LEO1: variants seen among roughly 807,000 people sequenced by gnomAD.
The protein encoded by LEO1 is LEO1 component of Paf1/RNA polymerase II complex, also known as RNA polymerase-associated protein LEO1.
A neutral mutation model predicts 80.4 loss-of-function variants in LEO1; 34 were observed. The observed-to-expected ratio is 0.42, with a 90% CI of 0.32 to 0.56. The LOEUF is 0.56. Among genes scored for constraint, LEO1 ranks in the 20% least tolerant of loss-of-function variants. The probability of loss-of-function intolerance (pLI) is 0.10; values close to 1 mark genes in which losing one functional copy is unlikely to be tolerated. For synonymous variants in LEO1, 262 were observed against 274.9 expected, an observed-to-expected ratio of 0.95 and a Z score of 0.46; for missense variants, 631 against 814.2, an observed-to-expected ratio of 0.77 and a Z score of 2.74.
chr15:51,962,129 C>G (rs2057035784), intron 3 of LEO1, among the ~76,000 whole-genome samples: 1 of 150,826 alleles, frequency 6.6e-6, no homozygotes, highest in Non-Finnish European at 1.5e-5. Context: ...CACCACTGCA[C>G]TCCAGCGTGG....
At position 51,962,599 on chromosome 15, in the gene LEO1, A is replaced by C. The variant is rs189422368; in HGVS notation, c.815-106T>G. ...ACAAATTGTGATACAATGGACTACT[A>C]CTCAGCAATAAAGAGGAATGAACTG... On this transcript the variant is annotated intron_variant, in intron 2 of 11. Transcript: ENST00000299601. The C allele has an allele frequency of 1.1e-4, 75 of 690,300 alleles. 1 individual carries two copies. The East Asian group carries it at 2.0e-3, about 18-fold the overall frequency. The allele number at this position is 690,300 out of a possible 1,614,324, so 42.8% of individuals were successfully genotyped here.
At chr15:51,948,314 CT>C (rs1566881372) in intron 10 of LEO1, among the ~76,000 whole-genome samples, 1 of 152,144 alleles carries the variant, frequency 6.6e-6, no homozygotes, top group Non-Finnish European at 1.5e-5. Context: ...CTCTGGTGAC[CT>C]GAATGTTACA....
In LEO1 at chr15:51,951,853, T is replaced by A; in HGVS notation, c.1602A>T (p.Glu534Asp). 1 of 1,614,000 alleles carries A rather than the reference T, an allele frequency of 6.2e-7. No individual in the cohort carries two copies. The highest frequency in any genetic ancestry group is 8.5e-7 in the Non-Finnish European group (1 of 1,179,906). Residue 534 changes from glutamate to aspartate, a missense_variant, in exon 9 of 12, where the codon GAA becomes GAT. Transcript: ENST00000299601. ...AGRDPECQRT[E>D]MIKKEEERLR... ...GGCTTAGCAAACATACCTTAATCAT[T>A]TCTGTGCGTTGGCATTCAGGATCAC...
chr15:51,955,337 A>G (rs1048890830), intron 6 of LEO1, among the ~76,000 whole-genome samples: 7 of 152,236 alleles, frequency 4.6e-5, no homozygotes, highest in Non-Finnish European at 8.8e-5. Flanking sequence ...CTATTGGCAC[A>G]GAGAGATAAA....
At chr15:51,946,939 T>C in intron 11 of LEO1, 1 of 220,728 alleles carries the variant, frequency 4.5e-6, no homozygotes, top group South Asian at 7.5e-5. Flanking sequence ...GATCTGTCAT[T>C]CTCTCTTGGA....
intron 11 of LEO1, among the ~76,000 whole-genome samples, chr15:51,938,987 C>T (rs959669647): frequency 6.6e-6 from 1 of 152,118 alleles, no homozygotes; most frequent in South Asian, 2.1e-4. Flanking sequence ...GAGTTTGAGA[C>T]CAGACTGGCC....
intron 9 of LEO1, among the ~76,000 whole-genome samples, chr15:51,950,615 G>A (rs1188945260): frequency 1.3e-5 from 2 of 152,188 alleles, no homozygotes; most frequent in African/African-American, 4.8e-5. Flanking sequence ...GTAGGTTTCA[G>A]GGATATTCTG....
intron 6 of LEO1, among the ~76,000 whole-genome samples, chr15:51,957,821 G>A (rs572446207): frequency 6.6e-6 from 1 of 152,220 alleles, no homozygotes; most frequent in East Asian, 1.9e-4. Context: ...AGGAGTTCGA[G>A]ACCAACCTGG....
chr15:51,942,398 A>C (rs562727376), intron 11 of LEO1, among the ~76,000 whole-genome samples: 5 of 151,782 alleles, frequency 3.3e-5, no homozygotes, highest in East Asian at 2.0e-4. Flanking sequence ...GCCTAGAAGA[A>C]GGCTATCTGA....
At chr15:51,938,346 ACC>A in intron 11 of LEO1, 86 bp from the exon 12 acceptor site, 1 of 733,712 alleles carries the variant, frequency 1.4e-6, no homozygotes, top group Non-Finnish European at 2.3e-6. Flanking sequence ...GAGCTGAATG[ACC>A]CTCTGACAAC....
chr15:51,958,722 G>T lies in LEO1; in HGVS notation c.1245+20C>A. On this transcript the variant is annotated intron_variant, in intron 6 of 11. Coordinates refer to ENST00000299601, the MANE Select transcript of LEO1 (RefSeq NM_138792.4). ...TTTTACTTTATAAAAGAAAAAAAAG[G>T]AAAAAGCATGAAATGGTACCTTTAA... 6.7e-7 allele frequency: 1 copy of T among 1,482,752 alleles called. No individual in the cohort carries two copies. The highest frequency in any genetic ancestry group is 1.2e-5 in the South Asian group (1 of 82,254). The allele number at this position is 1,482,752 out of a possible 1,614,324, so 91.8% of individuals were successfully genotyped here. A position where few individuals can be genotyped will look rare whatever the true frequency, so the allele number is the denominator to read the frequency against.
At chr15:51,964,303 G>A (rs568212390) in intron 2 of LEO1, among the ~76,000 whole-genome samples, 109 of 152,144 alleles carry the variant, frequency 7.2e-4, no homozygotes, top group South Asian at 2.1e-3. Flanking sequence ...CACAAGGACA[G>A]AAAACCAAAC....
chr15:51,948,474 ATAGG>A (rs1027389193), intron 10 of LEO1, among the ~76,000 whole-genome samples: 15 of 152,214 alleles, frequency 9.9e-5, no homozygotes, highest in African/African-American at 3.6e-4. Flanking sequence ...CAAATAAATA[ATAGG>A]TAGGTAATAT....
At chr15:51,963,832 G>A (rs2057051563) in intron 2 of LEO1, among the ~76,000 whole-genome samples, 2 of 150,988 alleles carry the variant, frequency 1.3e-5, no homozygotes, top group African/African-American at 2.4e-5. Context: ...AACCCAGGAG[G>A]TGGAGATTGC....
Position 51,962,345 on chromosome 15 carries a change from A to G in LEO1, c.919+44T>C, listed in dbSNP as rs755723914. 3.1e-6 allele frequency: 4 copies of G among 1,275,852 alleles called. No individual in the cohort carries two copies. The South Asian group carries it at 4.0e-5, about 13-fold the overall frequency. The allele number at this position is 1,275,852 out of a possible 1,614,324, so 79.0% of individuals were successfully genotyped here. The stretch of plus-strand genomic sequence containing the variant: ...AGAAATGCACTACAGTTAAATACAG[A>G]AAGAGGTATGGAAATATACATATAT... On this transcript the variant is annotated intron_variant, in intron 3 of 11. Coordinates refer to ENST00000299601, the MANE Select transcript of LEO1 (RefSeq NM_138792.4).
intron 1 of LEO1, among the ~76,000 whole-genome samples, chr15:51,967,008 A>T (rs548112896): frequency 6.6e-6 from 1 of 152,300 alleles, no homozygotes; most frequent in South Asian, 2.1e-4. Context: ...AAAAGAAAGA[A>T]TCAGTAAACT....
intron 10 of LEO1, among the ~76,000 whole-genome samples, chr15:51,949,395 G>T (rs1169823318): frequency 6.6e-6 from 1 of 151,904 alleles, no homozygotes; most frequent in Non-Finnish European, 1.5e-5. Context: ...ATGACAACTC[G>T]TTCTTTAAAA....
In LEO1 at chr15:51,949,860, C is replaced by T. The variant is rs766780626; in HGVS notation, c.1746G>A (p.Glu582=). 4 of 1,613,932 alleles carry T rather than the reference C, an allele frequency of 2.5e-6. No homozygotes were observed. In the South Asian group the frequency reaches 3.3e-5, roughly 13 times the overall value. ...PDRYDEEEEG[E]ESISLAAIKN... is the part of the protein sequence containing the mutation. ...TAATGGCAGCCAAGCTGATGGACTC[C>T]TCGCCTTCCTCCTCCTCATCGTATC... The change falls in exon 10 of 12, where the codon GAG becomes GAA. Residue 582 remains glutamate (E), a synonymous_variant. Coordinates refer to ENST00000299601, the MANE Select transcript of LEO1 (RefSeq NM_138792.4).
intron 2 of LEO1, among the ~76,000 whole-genome samples, chr15:51,965,101 G>A (rs1049345647): frequency 1.3e-5 from 2 of 152,106 alleles, no homozygotes; most frequent in Admixed American, 6.6e-5. Context: ...TATACTCCCT[G>A]GGCAACCTCC....
Sources: gnomAD v4.1 joint callset for allele counts (sites outside exome capture counted in the v4.1 genomes callset) on GRCh38, gnomAD v4.1.1 for gene constraint, MANE v1.5 for transcripts, NCBI Gene and HGNC (gene_info 2026-07-23, HGNC 2026-07-21) for gene names.